CUL1: variants seen among roughly 807,000 people sequenced by gnomAD.
CUL1 encodes the protein cullin-1.
A neutral mutation model predicts 118.0 loss-of-function variants in CUL1; 24 were observed. The ratio of observed to expected loss-of-function variants is 0.20; its 90% CI spans 0.15 to 0.29. The LOEUF (loss-of-function observed/expected upper bound fraction) is 0.29. Ranked by LOEUF, CUL1 falls within the 10% of genes least tolerant of loss-of-function variation. CUL1 has a pLI of 1.00. For synonymous variants in CUL1, 332 were observed against 340.4 expected, an observed-to-expected ratio of 0.98 and a Z score of 0.27; for missense variants, 361 against 933.8, an observed-to-expected ratio of 0.39 and a Z score of 7.99.
In CUL1 at chr7:148,767,612, C is replaced by T; in HGVS notation, c.953-7C>T. On this transcript the variant is annotated splice_polypyrimidine_tract_variant and splice_region_variant and intron_variant, in intron 8 of 21. Coordinates refer to ENST00000325222, the MANE Select transcript of CUL1 (RefSeq NM_003592.3). ...CAGTGCATAAAAGGGGTTTCTTCCT[C>T]TTTCAGATTTGGGACGCATGTATAA... is the stretch of plus-strand genomic sequence containing the variant. 2 of 1,613,070 alleles carry T rather than the reference C, an allele frequency of 1.2e-6. No homozygotes were observed. The highest frequency in any genetic ancestry group is 1.7e-6 in the Non-Finnish European group (2 of 1,179,736).
In CUL1 at chr7:148,762,557, C is replaced by T. The variant is rs114384439; in HGVS notation, c.789+2061C>T. On this transcript the variant is annotated intron_variant, in intron 7 of 21. Transcript: ENST00000325222. ...AACTTTTGAAACAGTCTGTTTTAAA[C>T]GTTAACATTGCCTGTTATTTCATTG... 6.5e-3 allele frequency among the ~76,000 whole-genome samples: 991 copies of T among 152,326 alleles called. 17 individuals are homozygous for T. Among genetic ancestry groups the T allele is most frequent in the African/African-American group, 0.022 (931 of 41,566 alleles).
At chr7:148,797,314 C>G (rs1801233914) in intron 17 of CUL1, among the ~76,000 whole-genome samples, 1 of 149,482 alleles carries the variant, frequency 6.7e-6, no homozygotes, top group African/African-American at 2.5e-5. Flanking sequence ...GTTTCCAATA[C>G]AGGTTCAACA....
At chr7:148,762,236 A>G (rs1052690971) in intron 7 of CUL1, among the ~76,000 whole-genome samples, 2 of 152,330 alleles carry the variant, frequency 1.3e-5, no homozygotes, top group African/African-American at 4.8e-5. Flanking sequence ...AAAGTCAATT[A>G]AAAGCAACAG....
At chr7:148,718,861 T>C (rs1192293774) in intron 1 of CUL1, among the ~76,000 whole-genome samples, 1 of 152,192 alleles carries the variant, frequency 6.6e-6, no homozygotes, top group Non-Finnish European at 1.5e-5. Context: ...TGCAAGCATA[T>C]GTGATAAATT....
At chr7:148,781,628 T>C (rs10216219) in intron 9 of CUL1, among the ~76,000 whole-genome samples, 119,924 of 152,184 alleles carry the variant, frequency 0.79, 48,163 homozygotes, top group African/African-American at 0.95. Context: ...TATTATAATT[T>C]GGAAACGTTA....
At chr7:148,799,826 C>T (rs560906982) in intron 21 of CUL1, among the ~76,000 whole-genome samples, 19 of 152,336 alleles carry the variant, frequency 1.2e-4, no homozygotes, top group Admixed American at 5.9e-4. Flanking sequence ...GGAGGTTCGT[C>T]GCATTGCGGT....
chr7:148,752,190 A>G (rs960143005), intron 2 of CUL1, among the ~76,000 whole-genome samples: 8 of 152,254 alleles, frequency 5.3e-5, no homozygotes, highest in African/African-American at 1.9e-4. Flanking sequence ...AAACATAGGA[A>G]TGATATATAC....
At chr7:148,738,905 G>T (rs561546216) in intron 2 of CUL1, among the ~76,000 whole-genome samples, 4 of 152,024 alleles carry the variant, frequency 2.6e-5, no homozygotes, top group Admixed American at 6.6e-5. Flanking sequence ...AATGATTTAT[G>T]AACACTTAAT....
chr7:148,763,941 T>C (rs1379016153), intron 7 of CUL1, among the ~76,000 whole-genome samples: 1 of 152,204 alleles, frequency 6.6e-6, no homozygotes, highest in African/African-American at 2.4e-5. Flanking sequence ...AGGAGTGTTT[T>C]ACAGGAAACA....
At chr7:148,796,956 G>A (rs576943317) in intron 17 of CUL1, among the ~76,000 whole-genome samples, 63 of 152,242 alleles carry the variant, frequency 4.1e-4, no homozygotes, top group African/African-American at 1.5e-3. Flanking sequence ...CCATTATGAC[G>A]ACAGGACTCC....
chr7:148,751,365 T>C (rs956040180), intron 2 of CUL1, among the ~76,000 whole-genome samples: 1 of 151,936 alleles, frequency 6.6e-6, no homozygotes, highest in African/African-American at 2.4e-5. Context: ...CTGACCAATA[T>C]GGTGAAACCC....
At chr7:148,735,183 C>T (rs1191107692) in intron 2 of CUL1, among the ~76,000 whole-genome samples, 1 of 152,240 alleles carries the variant, frequency 6.6e-6, no homozygotes, top group African/African-American at 2.4e-5. Context: ...TCAGAATTCA[C>T]ATTTAATTGT....
chr7:148,765,107 C>T (rs1000367814), intron 7 of CUL1, among the ~76,000 whole-genome samples: 1 of 152,076 alleles, frequency 6.6e-6, no homozygotes, highest in Non-Finnish European at 1.5e-5. Context: ...GAATATTGAC[C>T]TTTTGATACA....
chr7:148,799,385 C>T lies in CUL1; in HGVS notation c.2247C>T (p.Ile749=). ...SSRFKPRVPV[I]KKCIDILIEK... is the part of the protein sequence containing the mutation. ...GGTTCAAACCTCGAGTCCCTGTGAT[C>T]AAGGTACAGGACTTTACATAGCAGT... Residue 749 remains isoleucine, a synonymous_variant, in exon 21 of 22, where the codon ATC becomes ATT. Transcript: ENST00000325222. The T allele has an allele frequency of 6.2e-7, 1 of 1,600,498 alleles. No individual in the cohort carries two copies. The highest frequency in any genetic ancestry group is 8.6e-7 in the Non-Finnish European group (1 of 1,167,608).
rs1358790133 is a variant in CUL1 at position 148,759,555 on chromosome 7, A to G, written c.542A>G (p.Asn181Ser). The change falls in exon 6 of 22, where the codon AAT becomes AGT. Residue 181 changes from asparagine to serine, a missense_variant. Transcript: ENST00000325222. ...LFRPLNKQVT[N>S]AVLKLIEKER... ...TCTACATCCTTTCTAAAGGTAACAA[A>G]TGCTGTTTTAAAGCTGATTGAAAAG... 1 of 1,601,940 alleles carries G rather than the reference A, an allele frequency of 6.2e-7. No homozygotes were observed. The highest frequency in any genetic ancestry group is 1.1e-5 in the South Asian group (1 of 89,702).
chr7:148,704,907 A>G (rs1250296867), intron 1 of CUL1, among the ~76,000 whole-genome samples: 1 of 152,238 alleles, frequency 6.6e-6, no homozygotes, highest in Non-Finnish European at 1.5e-5. Context: ...AAACAGGAGA[A>G]GCAGGGGAGC....
intron 7 of CUL1, among the ~76,000 whole-genome samples, chr7:148,763,563 A>G (rs1367293880): frequency 6.6e-6 from 1 of 152,232 alleles, no homozygotes; most frequent in African/African-American, 2.4e-5. Flanking sequence ...AAATGTGAAT[A>G]ATAATAATAG....
chr7:148,703,305 C>G (rs1298744374), intron 1 of CUL1, among the ~76,000 whole-genome samples: 1 of 152,162 alleles, frequency 6.6e-6, no homozygotes, highest in Non-Finnish European at 1.5e-5. Flanking sequence ...AGCATAGACA[C>G]GAACAGTTCT....
chr7:148,724,599 C>T (rs116678710), intron 1 of CUL1, among the ~76,000 whole-genome samples: 83 of 152,224 alleles, frequency 5.5e-4, no homozygotes, highest in African/African-American at 2.0e-3. Flanking sequence ...AATGATAATC[C>T]CTCTCCGGGG....
Sources: allele counts gnomAD v4.1 joint callset (sites outside exome capture counted in the v4.1 genomes callset), GRCh38; gene constraint gnomAD v4.1.1; transcripts MANE v1.5; gene names NCBI Gene and HGNC (gene_info 2026-07-23, HGNC 2026-07-21).